EDC4: variants seen among roughly 807,000 people sequenced by gnomAD.
EDC4 encodes the protein enhancer of mRNA decapping 4.
In EDC4, 64 loss-of-function variants were observed where a neutral mutation model predicts 155.8. The observed-to-expected ratio is 0.41, with a 90% confidence interval of 0.34 to 0.51. EDC4 has a LOEUF of 0.51. EDC4 is among the 20% of genes least tolerant of loss of function. The pLI is 0.19. For missense variants in EDC4, 1,303 were observed against 1,812.5 expected, an observed-to-expected ratio of 0.72 and a Z score of 5.10; for synonymous variants, 684 against 716.8, an observed-to-expected ratio of 0.95 and a Z score of 0.73.
chr16:67,879,558 TC>T lies in EDC4; in HGVS notation c.1634-28del. Reference sequence around the variant, plus strand: ...AAGTTGGACTGACCAGGGTCTGAGATCTAACTCAAGTGGCAACTTGCCCTGC... The same window carrying T: ...AAGTTGGACTGACCAGGGTCTGAGATTAACTCAAGTGGCAACTTGCCCTGC... On this transcript the variant is annotated intron_variant, in intron 14 of 28. Transcript: ENST00000358933. This position sits in a 1 kb window ranked among gnomAD's most constrained non-coding sequence, Gnocchi z 6.0. The T allele has an allele frequency of 6.2e-7, 1 of 1,613,650 alleles. No homozygotes were observed. Among genetic ancestry groups the T allele is most frequent in the Non-Finnish European group, 8.5e-7 (1 of 1,179,712 alleles).
At position 67,877,922 on chromosome 16, in the gene EDC4, G is replaced by C. The variant is rs564730812; in HGVS notation, c.894+77G>C. On this transcript the variant is annotated intron_variant, in intron 7 of 28. Coordinates refer to ENST00000358933, the MANE Select transcript of EDC4 (RefSeq NM_014329.5). This position sits in a 1 kb window ranked among gnomAD's most constrained non-coding sequence, Gnocchi z 4.9. ...TCTTCTGTTCCCTATATCCACAGCTGCCCGGGCAGCTTTACTAGCATTCTG... is the reference window on the plus strand; with the variant it reads ...TCTTCTGTTCCCTATATCCACAGCTCCCCGGGCAGCTTTACTAGCATTCTG... 1 of 1,576,168 alleles carries C rather than the reference G, an allele frequency of 6.3e-7. No homozygotes were observed. Among genetic ancestry groups the C allele is most frequent in the Admixed American group, 1.8e-5 (1 of 54,536 alleles).
chr16:67,882,857 T>C lies in EDC4; in HGVS notation c.3621T>C (p.Ala1207=), dbSNP rs1189672842. ...RAEVQHQLHV[A]VGSLQESILA... ...AGGTGCAGCACCAGCTGCATGTGGCTGTGGGCAGGTGTGTGGGCAGAGTAC... is the reference window on the plus strand; with the variant it reads ...AGGTGCAGCACCAGCTGCATGTGGCCGTGGGCAGGTGTGTGGGCAGAGTAC... The change falls in exon 26 of 29, where the codon GCT becomes GCC. Residue 1207 remains alanine (A), a synonymous_variant. Coordinates refer to ENST00000358933, the MANE Select transcript of EDC4 (RefSeq NM_014329.5). This position sits in a 1 kb window ranked among gnomAD's most constrained non-coding sequence, Gnocchi z 7.2. The C allele has an allele frequency of 6.2e-7, 1 of 1,614,008 alleles. No individual in the cohort carries two copies. Among genetic ancestry groups the C allele is most frequent in the African/African-American group, 1.3e-5 (1 of 74,942 alleles).
In EDC4 at chr16:67,881,904, G is replaced by C. The variant is rs376757397; in HGVS notation, c.3005-50G>C. On this transcript the variant is annotated intron_variant, in intron 22 of 28. Coordinates refer to ENST00000358933, the MANE Select transcript of EDC4 (RefSeq NM_014329.5). This position sits in a 1 kb window ranked among gnomAD's most constrained non-coding sequence, Gnocchi z 5.4. Reference sequence around the variant, plus strand: ...GGGACGGGGGCAGCATTCTTGGCCTGGGAAGGAGTACACGACCTGCTCCAG... The same window carrying C: ...GGGACGGGGGCAGCATTCTTGGCCTCGGAAGGAGTACACGACCTGCTCCAG... The C allele has an allele frequency of 1.2e-6, 2 of 1,602,986 alleles. No homozygotes were observed. Among genetic ancestry groups the C allele is most frequent in the African/African-American group, 1.3e-5 (1 of 74,686 alleles).
rs2058064957 is a variant in EDC4, at chr16:67,880,980, C to T, written c.2521C>T (p.Leu841=). Residue 841 remains leucine (L), a synonymous_variant, in exon 18 of 29, where the codon CTG becomes TTG. Coordinates refer to ENST00000358933, the MANE Select transcript of EDC4 (RefSeq NM_014329.5). The surrounding 1 kb of genome is among the most constrained non-coding windows in gnomAD (Gnocchi z 5.2). Reference sequence around the variant, plus strand: ...CATTACTCGTGAGACCTGCAGCACCCTGGCAGAAAGGTGAGGAGCTTGGGA... The same window carrying T: ...CATTACTCGTGAGACCTGCAGCACCTTGGCAGAAAGGTGAGGAGCTTGGGA... ...PDITRETCST[L]AESPRNGLQE... is the part of the protein sequence containing the mutation. The T allele has an allele frequency of 3.1e-6, 5 of 1,613,450 alleles. No homozygotes were observed. The highest frequency in any genetic ancestry group is 1.7e-5 in the Admixed American group (1 of 59,992).
Position 67,880,761 on chromosome 16 carries a change from A to G in EDC4, c.2302A>G (p.Ser768Gly), listed in dbSNP as rs762348889. 3.6e-5 allele frequency: 58 copies of G among 1,614,170 alleles called. No individual in the cohort carries two copies. The South Asian group carries it at 4.6e-4, about 13-fold the overall frequency. ...TGCACCAGAGGGCCTTGAGCCAGAC[A>G]GTATGGCTTCAGCCGCCTCGGCACT... is the stretch of plus-strand genomic sequence containing the variant. Reference protein sequence around the residue: ...SSAPEGLEPDSMASAASALHL... With the variant: ...SSAPEGLEPDGMASAASALHL... Residue 768 changes from serine (S) to glycine (G), a missense_variant, in exon 18 of 29, where the codon AGT (serine) becomes GGT (glycine). Physicochemically the swap from Ser to Gly is moderately conservative, Grantham distance 56. Around this residue, in one of 5 missense-constraint regions of EDC4, gnomAD observed 391 missense variants for 445.4 expected, o/e 0.88. Coordinates refer to ENST00000358933, the MANE Select transcript of EDC4 (RefSeq NM_014329.5). This position sits in a 1 kb window ranked among gnomAD's most constrained non-coding sequence, Gnocchi z 5.2.
intron 1 of EDC4, among the ~76,000 whole-genome samples, chr16:67,875,144 G>A (rs2058036473): frequency 6.6e-6 from 1 of 152,204 alleles, no homozygotes; most frequent in South Asian, 2.1e-4. Flanking sequence ...CTGAGCCTAT[G>A]AGAGTGTTTG....
In EDC4 at chr16:67,882,502, C is replaced by G. The variant is rs767180282; in HGVS notation, c.3350C>G (p.Ala1117Gly). The change falls in exon 25 of 29, where the codon GCC becomes GGC. Residue 1117 changes from alanine to glycine, a missense_variant. By Grantham distance (60) the Ala-to-Gly change is moderately conservative. Transcript: ENST00000358933. This position sits in a 1 kb window ranked among gnomAD's most constrained non-coding sequence, Gnocchi z 7.2. ...QGPMQAAYREAFQSVVLPAFE... is the reference protein window; with the variant it reads ...QGPMQAAYREGFQSVVLPAFE... ...CCGATGCAGGCTGCCTACCGGGAAG[C>G]CTTCCAGAGTGTGGTGCTGCCGGCC... The G allele has an allele frequency of 6.2e-7, 1 of 1,614,242 alleles. No homozygotes were observed. Among genetic ancestry groups the G allele is most frequent in the Non-Finnish European group, 8.5e-7 (1 of 1,180,052 alleles).
chr16:67,876,923 T>G lies in EDC4; in HGVS notation c.402T>G (p.Tyr134Ter). The change falls in exon 4 of 29, where the codon TAT becomes TAG. Residue 134 changes from tyrosine (Y) to a stop codon, truncating the protein, a stop_gained. Coordinates refer to ENST00000358933, the MANE Select transcript of EDC4 (RefSeq NM_014329.5). LOFTEE classifies it high-confidence loss of function. The surrounding 1 kb of genome is among the most constrained non-coding windows in gnomAD (Gnocchi z 5.8). ...ATGACTGGGAACAGAAGTACTACTATGGCAACCTGATTGCTGTGTCTAACT... is the reference window on the plus strand; with the variant it reads ...ATGACTGGGAACAGAAGTACTACTAGGGCAACCTGATTGCTGTGTCTAACT... Reference protein sequence around the residue: ...AKYDWEQKYYYGNLIAVSNSF... With the variant: ...AKYDWEQKYY The G allele has an allele frequency of 6.2e-7, 1 of 1,614,270 alleles. No individual in the cohort carries two copies. Among genetic ancestry groups the G allele is most frequent in the Non-Finnish European group, 8.5e-7 (1 of 1,180,044 alleles).
chr16:67,883,025 G>A lies in EDC4; in HGVS notation c.3697G>A (p.Glu1233Lys), dbSNP rs751392295. 6.2e-7 allele frequency: 1 copy of A among 1,613,988 alleles called. No individual in the cohort carries two copies. Among genetic ancestry groups the A allele is most frequent in the South Asian group, 1.1e-5 (1 of 91,082 alleles). ...GGGTGAGGTGAGTGTGGCGCTCAAG[G>A]AGCAGCAGGCCGCCGTCACCTCCAG... is the stretch of plus-strand genomic sequence containing the variant. ...VKGEVSVALKEQQAAVTSSIM... is the reference protein window; with the variant it reads ...VKGEVSVALKKQQAAVTSSIM... The change falls in exon 27 of 29, where the codon GAG (glutamate) becomes AAG (lysine). Residue 1233 changes from glutamate to lysine, a missense_variant. Coordinates refer to ENST00000358933, the MANE Select transcript of EDC4 (RefSeq NM_014329.5). This position sits in a 1 kb window ranked among gnomAD's most constrained non-coding sequence, Gnocchi z 5.3.
In EDC4 at chr16:67,879,901, A is replaced by C. The variant is rs200787993; in HGVS notation, c.1873A>C (p.Ser625Arg). ...CAGCGGTAGCAGCAGCAGCAGCAGC[A>C]GTAGCAGCAGCTCCCTTACAGCTGT... The part of the protein sequence containing the change: ...SSSGSSSSSS[S>R]SSSSLTAVSA... Residue 625 changes from serine (S) to arginine (R), a missense_variant, in exon 16 of 29, where the codon AGT becomes CGT. Physicochemically the swap from Ser to Arg is moderately radical, Grantham distance 110 (BLOSUM62 -1). Coordinates refer to ENST00000358933, the MANE Select transcript of EDC4 (RefSeq NM_014329.5). The surrounding 1 kb of genome is among the most constrained non-coding windows in gnomAD (Gnocchi z 6.0). 13 of 1,612,232 alleles carry C rather than the reference A, an allele frequency of 8.1e-6. No homozygotes were observed. The South Asian group carries it at 1.4e-4, about 18-fold the overall frequency.
In EDC4 at chr16:67,881,680, C is replaced by G; in HGVS notation, c.2839C>G (p.Pro947Ala). 2 of 1,613,468 alleles carry G rather than the reference C, an allele frequency of 1.2e-6. No individual in the cohort carries two copies. Among genetic ancestry groups the G allele is most frequent in the South Asian group, 1.1e-5 (1 of 91,064 alleles). Residue 947 changes from proline (P) to alanine (A), a missense_variant, in exon 22 of 29, where the codon CCT becomes GCT. Pro to Ala is a conservative substitution (Grantham distance 27). Transcript: ENST00000358933. The surrounding 1 kb of genome is among the most constrained non-coding windows in gnomAD (Gnocchi z 5.4). ...GTGCTACTGACAGGTGGCAGAGCCC[C>G]CTGAGGACTGGCCAGCACTAATTTG... is the stretch of plus-strand genomic sequence containing the variant. ...RLTEHQVAEPPEDWPALIWQQ... is the reference protein window; with the variant it reads ...RLTEHQVAEPAEDWPALIWQQ...
In EDC4 at chr16:67,880,254, G is replaced by A. The variant is rs781406641; in HGVS notation, c.2097+38G>A. 27 of 1,557,428 alleles carry A rather than the reference G, an allele frequency of 1.7e-5. No homozygotes were observed. The South Asian group carries it at 2.7e-4, about 16-fold the overall frequency. ...GTGTGTGTGTGAAGTGTGGGGAGCA[G>A]GTGGGCAGCAGCAGGGAAGGTGGGT... On this transcript the variant is annotated intron_variant, in intron 17 of 28. Transcript: ENST00000358933. The surrounding 1 kb of genome is among the most constrained non-coding windows in gnomAD (Gnocchi z 5.2).
Position 67,880,830 on chromosome 16 carries a change from C to T in EDC4, c.2371C>T (p.Pro791Ser), listed in dbSNP as rs1466788449. ...PRPRPGPELG[P>S]QLGLDGGPGD... ...GCCCCGGCCAGGGCCCGAGCTCGGC[C>T]CCCAGCTCGGGCTTGATGGAGGCCC... Residue 791 changes from proline to serine, a missense_variant, in exon 18 of 29, where the codon CCC (proline) becomes TCC (serine). Pro to Ser is a moderately conservative substitution (Grantham distance 74). Coordinates refer to ENST00000358933, the MANE Select transcript of EDC4 (RefSeq NM_014329.5). This position sits in a 1 kb window ranked among gnomAD's most constrained non-coding sequence, Gnocchi z 5.2. 1.9e-6 allele frequency: 3 copies of T among 1,613,838 alleles called. No homozygotes were observed. The highest frequency in any genetic ancestry group is 3.3e-5 in the Admixed American group (2 of 60,012).
At chr16:67,875,470 A>G (rs1371574120) in intron 1 of EDC4, among the ~76,000 whole-genome samples, 1 of 152,204 alleles carries the variant, frequency 6.6e-6, no homozygotes, top group Non-Finnish European at 1.5e-5. Flanking sequence ...AGAACTGACC[A>G]CATCACCTTC....
intron 1 of EDC4, among the ~76,000 whole-genome samples, chr16:67,873,904 A>G (rs983939051): frequency 2.6e-5 from 4 of 152,226 alleles, no homozygotes; most frequent in Admixed American, 2.0e-4. Flanking sequence ...GAATTATGCT[A>G]CAAATATCTG....
At position 67,881,581 on chromosome 16, in the gene EDC4, G is replaced by A. The variant is rs201265478; in HGVS notation, c.2826+48G>A. 1 of 1,613,444 alleles carries A rather than the reference G, an allele frequency of 6.2e-7. No individual in the cohort carries two copies. Among genetic ancestry groups the A allele is most frequent in the African/African-American group, 1.3e-5 (1 of 75,054 alleles). ...TACTTGTGGAACTTCACCCTGGGCG[G>A]GTGGAGAAGGGCTCTGGGCCATTCC... On this transcript the variant is annotated intron_variant, in intron 21 of 28. Coordinates refer to ENST00000358933, the MANE Select transcript of EDC4 (RefSeq NM_014329.5). This position sits in a 1 kb window ranked among gnomAD's most constrained non-coding sequence, Gnocchi z 5.4.
At position 67,882,707 on chromosome 16, in the gene EDC4, G is replaced by C. The variant is rs2058074337; in HGVS notation, c.3471G>C (p.Lys1157Asn). 3.7e-6 allele frequency: 6 copies of C among 1,614,244 alleles called. No homozygotes were observed. Among genetic ancestry groups the C allele is most frequent in the Non-Finnish European group, 5.1e-6 (6 of 1,180,046 alleles). The change falls in exon 26 of 29, where the codon AAG becomes AAC. Residue 1157 changes from lysine (K) to asparagine (N), a missense_variant. Lys to Asn is a moderately conservative substitution (Grantham distance 94). Transcript: ENST00000358933. The surrounding 1 kb of genome is among the most constrained non-coding windows in gnomAD (Gnocchi z 7.2). Reference protein sequence around the residue: ...EYLQQLESHMKSRKAREQEAR... With the variant: ...EYLQQLESHMNSRKAREQEAR... ...TGCAGCAGCTAGAAAGCCACATGAAGAGCCGGAAGGCACGGGAACAGGAGG... is the reference window on the plus strand; with the variant it reads ...TGCAGCAGCTAGAAAGCCACATGAACAGCCGGAAGGCACGGGAACAGGAGG...
At position 67,877,051 on chromosome 16, in the gene EDC4, C is replaced by A. The variant is rs1269812887; in HGVS notation, c.451+79C>A. 1.9e-6 allele frequency: 3 copies of A among 1,579,462 alleles called. No individual in the cohort carries two copies. Among genetic ancestry groups the A allele is most frequent in the South Asian group, 1.2e-5 (1 of 85,720 alleles). ...CAGTTCCAACATCAGGCCACTCAGG[C>A]CTTAGGGGTACAATGGAAGGTTTGT... On this transcript the variant is annotated intron_variant, in intron 4 of 28. Coordinates refer to ENST00000358933, the MANE Select transcript of EDC4 (RefSeq NM_014329.5). The surrounding 1 kb of genome is among the most constrained non-coding windows in gnomAD (Gnocchi z 4.9).
At position 67,881,072 on chromosome 16, in the gene EDC4, C is replaced by G; in HGVS notation, c.2532-4C>G. 1 of 1,614,104 alleles carries G rather than the reference C, an allele frequency of 6.2e-7. No homozygotes were observed. The highest frequency in any genetic ancestry group is 8.5e-7 in the Non-Finnish European group (1 of 1,180,022). ...TCCATGGCTAAGTTGGCCTGTCCTC[C>G]CAGCCCCAGGAATGGCCTTCAGGAA... On this transcript the variant is annotated splice_region_variant and splice_polypyrimidine_tract_variant and intron_variant, in intron 18 of 28. Coordinates refer to ENST00000358933, the MANE Select transcript of EDC4 (RefSeq NM_014329.5). The surrounding 1 kb of genome is among the most constrained non-coding windows in gnomAD (Gnocchi z 5.4).
Sources: gnomAD v4.1 joint callset for allele counts (sites outside exome capture counted in the v4.1 genomes callset) on GRCh38, gnomAD v4.1.1 for gene constraint, gnomAD v4.1.1 regional missense constraint, Gnocchi (gnomAD v3.1) non-coding constraint, MANE v1.5 for transcripts, NCBI Gene and HGNC (gene_info 2026-07-23, HGNC 2026-07-21) for gene names.